Variants in RABGAP1L observed in about 807,000 individuals in gnomAD.
The protein encoded by RABGAP1L is rab GTPase-activating protein 1-like.
In RABGAP1L, 63 loss-of-function variants were observed where a neutral mutation model predicts 137.7. The observed-to-expected ratio is 0.46, with a 90% CI of 0.37 to 0.56. RABGAP1L has a LOEUF of 0.56. RABGAP1L is among the 20% of genes least tolerant of loss of function. The pLI is 0.00. For synonymous variants in RABGAP1L, 431 were observed against 433.7 expected, an observed-to-expected ratio of 0.99 and a Z score of 0.08; for missense variants, 1,095 against 1,244.0, an observed-to-expected ratio of 0.88 and a Z score of 1.80.
chr1:174,399,027 A>G (rs1648223724), intron 13 of RABGAP1L, among the ~76,000 whole-genome samples: 2 of 152,264 alleles, frequency 1.3e-5, no homozygotes, highest in South Asian at 2.1e-4. Flanking sequence ...TGTTATTTCT[A>G]TTGTTAATAC....
chr1:174,924,634 T>G (rs1189320188), intron 19 of RABGAP1L, among the ~76,000 whole-genome samples: 1 of 152,176 alleles, frequency 6.6e-6, no homozygotes, highest in Non-Finnish European at 1.5e-5. Context: ...AACATTAATC[T>G]ATTCAACCTT....
intron 1 of RABGAP1L, among the ~76,000 whole-genome samples, chr1:174,164,109 C>A (rs1006861370): frequency 6.6e-6 from 1 of 150,466 alleles, no homozygotes; most frequent in South Asian, 2.1e-4. Flanking sequence ...CCCCTACCTG[C>A]CCCCCAACCC....
chr1:174,530,276 A>G (rs1011841560), intron 13 of RABGAP1L, among the ~76,000 whole-genome samples: 1 of 152,080 alleles, frequency 6.6e-6, no homozygotes, highest in Non-Finnish European at 1.5e-5. Flanking sequence ...TCTAAGCCAC[A>G]TAGGCAGCTG....
At chr1:174,491,544 C>G (rs935490069) in intron 13 of RABGAP1L, among the ~76,000 whole-genome samples, 1 of 151,968 alleles carries the variant, frequency 6.6e-6, no homozygotes, top group African/African-American at 2.4e-5. Flanking sequence ...CAGCCTGGAG[C>G]TGGAGGAGGG....
intron 14 of RABGAP1L, among the ~76,000 whole-genome samples, chr1:174,645,142 A>G (rs989555432): frequency 6.6e-6 from 1 of 152,132 alleles, no homozygotes; most frequent in Non-Finnish European, 1.5e-5. Context: ...CCATTTTACT[A>G]TAAATATATA....
At chr1:174,934,833 A>G (rs1294257201) in intron 19 of RABGAP1L, 2 of 152,212 alleles carry the variant, frequency 1.3e-5, no homozygotes, top group East Asian at 3.8e-4. Context: ...ACACATATAT[A>G]TGCTTCACAA....
At chr1:174,833,444 G>GTATATATATATATA (rs1692357953) in intron 19 of RABGAP1L, among the ~76,000 whole-genome samples, 1 of 17,364 alleles carries the variant, frequency 5.8e-5, no homozygotes, top group Non-Finnish European at 6.2e-4. Flanking sequence ...GTGTGTGTGT[G>GTATATATATATATA]TAGAGATATA....
At chr1:174,631,331 A>G (rs1465154713) in intron 13 of RABGAP1L, among the ~76,000 whole-genome samples, 4 of 139,926 alleles carry the variant, frequency 2.9e-5, no homozygotes. Context: ...TCAATTATGG[A>G]ATAGGTGTGG....
At chr1:174,613,431 T>A (rs865855733) in intron 13 of RABGAP1L, among the ~76,000 whole-genome samples, 3,405 of 151,996 alleles carry the variant, frequency 0.022, 58 homozygotes, top group Middle Eastern at 0.082. Context: ...ACAGTTTGTT[T>A]TAATTTCTGT....
intron 11 of RABGAP1L, among the ~76,000 whole-genome samples, chr1:174,317,548 C>T (rs1428222705): frequency 6.6e-6 from 1 of 152,080 alleles, no homozygotes. Flanking sequence ...TCTTCCTCTC[C>T]TCTCCTCCAG....
intron 13 of RABGAP1L, among the ~76,000 whole-genome samples, chr1:174,530,838 CGT>C (rs1664337928): frequency 3.6e-5 from 2 of 55,018 alleles, no homozygotes; most frequent in East Asian, 6.2e-4. Flanking sequence ...TACATACATA[CGT>C]ACGTTTGTGT....
At chr1:174,689,579 G>A (rs1336637985) in intron 15 of RABGAP1L, among the ~76,000 whole-genome samples, 1 of 152,056 alleles carries the variant, frequency 6.6e-6, no homozygotes, top group Non-Finnish European at 1.5e-5. Flanking sequence ...CTGTTGGCTG[G>A]CCTGGATTCA....
chr1:174,651,552 G>C (rs1311605225), intron 14 of RABGAP1L, among the ~76,000 whole-genome samples: 3 of 152,122 alleles, frequency 2.0e-5, no homozygotes, highest in Non-Finnish European at 4.4e-5. Flanking sequence ...AGGATAGTTA[G>C]CTCTTCCTGT....
chr1:174,578,138 C>G (rs1405002314), intron 13 of RABGAP1L, among the ~76,000 whole-genome samples: 3 of 152,100 alleles, frequency 2.0e-5, no homozygotes, highest in Non-Finnish European at 4.4e-5. Flanking sequence ...GTCCACTATA[C>G]TTTTAAAAAA....
At chr1:174,524,596 C>T (rs1663714261) in intron 13 of RABGAP1L, among the ~76,000 whole-genome samples, 1 of 152,132 alleles carries the variant, frequency 6.6e-6, no homozygotes, top group Non-Finnish European at 1.5e-5. Context: ...AACAAGTTGT[C>T]TCTTCACTAT....
intron 19 of RABGAP1L, among the ~76,000 whole-genome samples, chr1:174,922,664 G>A (rs1430032652): frequency 6.6e-6 from 1 of 152,144 alleles, no homozygotes; most frequent in Non-Finnish European, 1.5e-5. Flanking sequence ...AAAGAGCAAT[G>A]ATAACATTAT....
At chr1:174,681,117 G>A (rs1245556293) in intron 14 of RABGAP1L, among the ~76,000 whole-genome samples, 2 of 152,138 alleles carry the variant, frequency 1.3e-5, no homozygotes, top group African/African-American at 4.8e-5. Context: ...TTGCTGCTAG[G>A]GGTGTAATAA....
At chr1:174,571,255 G>C (rs1237769956) in intron 13 of RABGAP1L, among the ~76,000 whole-genome samples, 3 of 152,088 alleles carry the variant, frequency 2.0e-5, no homozygotes, top group African/African-American at 7.2e-5. Flanking sequence ...TAGAAGGATA[G>C]TTACCAGAGG....
At chr1:174,263,998 G>A (rs1673821070) in intron 7 of RABGAP1L, among the ~76,000 whole-genome samples, 1 of 151,854 alleles carries the variant, frequency 6.6e-6, no homozygotes, top group Non-Finnish European at 1.5e-5. Flanking sequence ...TAGTAGCATA[G>A]TTGTTTTATT....
Sources: gnomAD v4.1 joint callset for allele counts (sites outside exome capture counted in the v4.1 genomes callset) on GRCh38, gnomAD v4.1.1 for gene constraint, MANE v1.5 for transcripts, NCBI Gene and HGNC (gene_info 2026-07-23, HGNC 2026-07-21) for gene names.